The following CEP192 variants were observed in gnomAD, a reference collection of about 807,000 sequenced individuals.
The protein encoded by CEP192 is centrosomal protein 192.
Under a neutral mutation model 271.8 loss-of-function variants are expected in CEP192, and 151 were observed. The ratio of observed to expected loss-of-function variants is 0.56; its 90% CI spans 0.49 to 0.64. The LOEUF is 0.64. Among genes scored for constraint, CEP192 ranks in the 30% least tolerant of loss-of-function variants. The pLI is 0.00. For missense variants in CEP192, 2,910 were observed against 3,020.5 expected, an observed-to-expected ratio of 0.96 and a Z score of 0.86; for synonymous variants, 995 against 1,076.5, an observed-to-expected ratio of 0.92 and a Z score of 1.48.
chr18:13,087,964 T>C (rs949754832), intron 32 of CEP192, among the ~76,000 whole-genome samples: 1 of 152,220 alleles, frequency 6.6e-6, no homozygotes, highest in Non-Finnish European at 1.5e-5. Context: ...GATGACATGT[T>C]AAGTGACAGT....
At chr18:13,116,611 G>T in intron 43 of CEP192, 108 bp downstream of exon 43, 2 of 1,169,916 alleles carry the variant, frequency 1.7e-6, no homozygotes, top group South Asian at 3.4e-5. Flanking sequence ...GTAAGAATGA[G>T]GTAATTTTTC....
chr18:13,060,326 T>C (rs927719125), intron 21 of CEP192, among the ~76,000 whole-genome samples: 1 of 152,038 alleles, frequency 6.6e-6, no homozygotes, highest in Non-Finnish European at 1.5e-5. Flanking sequence ...ACAGAAAAAA[T>C]ACATTATAAA....
At chr18:13,072,926 T>C (rs767948212) in intron 29 of CEP192, 81 bp downstream of exon 29, 5 of 1,543,240 alleles carry the variant, frequency 3.2e-6, no homozygotes. Context: ...TTGTGTTATT[T>C]AGCTTTTAAG....
At chr18:13,098,776 G>T (rs1023211832) in intron 36 of CEP192, among the ~76,000 whole-genome samples, 10 of 151,682 alleles carry the variant, frequency 6.6e-5, no homozygotes, top group African/African-American at 2.4e-4. Flanking sequence ...CCCAGACGGG[G>T]TGGCGGCCGG....
At chr18:13,091,317 A>G (rs1366009137) in intron 33 of CEP192, among the ~76,000 whole-genome samples, 1 of 152,192 alleles carries the variant, frequency 6.6e-6, no homozygotes, top group African/African-American at 2.4e-5. Flanking sequence ...TTGCCCATCT[A>G]AGGTGGGGTT....
intron 43 of CEP192, among the ~76,000 whole-genome samples, chr18:13,117,059 C>CAA (rs35259763): frequency 4.6e-4 from 64 of 139,976 alleles, no homozygotes; most frequent in Admixed American, 7.7e-4. Flanking sequence ...CCATCTCTAC[C>CAA]AAAAAAAAAA....
Position 13,124,807 on chromosome 18 carries a change from T to A in CEP192, c.*37T>A, listed in dbSNP as rs1352766777. On this transcript the variant is annotated 3_prime_UTR_variant, in exon 45 of 45. Transcript: ENST00000506447. ...TTTTGTGTAAAGTAAATTACATAAG[T>A]TGTATTTTGTTAACTTTATCTTTCT... is the stretch of plus-strand genomic sequence containing the variant. 1 of 1,486,908 alleles carries A rather than the reference T, an allele frequency of 6.7e-7. No individual in the cohort carries two copies. Among genetic ancestry groups the A allele is most frequent in the East Asian group, 2.3e-5 (1 of 43,222 alleles). The allele number at this position is 1,486,908 out of a possible 1,614,324, so 92.1% of individuals were successfully genotyped here.
intron 3 of CEP192, among the ~76,000 whole-genome samples, chr18:13,002,520 T>C (rs1438778383): frequency 6.6e-6 from 1 of 152,196 alleles, no homozygotes; most frequent in African/African-American, 2.4e-5. Flanking sequence ...TATTAAGATT[T>C]CTAGGGTTTA....
intron 38 of CEP192, among the ~76,000 whole-genome samples, chr18:13,102,878 G>T (rs117570078): frequency 6.6e-6 from 1 of 152,158 alleles, no homozygotes; most frequent in Non-Finnish European, 1.5e-5. Context: ...ACACCCTGGC[G>T]CCTGCTTGGC....
chr18:13,021,438 TTA>T (rs1840499871), intron 9 of CEP192, among the ~76,000 whole-genome samples: 1 of 152,314 alleles, frequency 6.6e-6, no homozygotes, highest in Admixed American at 6.5e-5. Context: ...ATGTGAGGGT[TTA>T]TTTCTGGCTT....
chr18:13,044,652 C>T (rs1321049346), intron 15 of CEP192, among the ~76,000 whole-genome samples: 1 of 152,078 alleles, frequency 6.6e-6, no homozygotes, highest in East Asian at 1.9e-4. Context: ...TGAAATAAAC[C>T]TCACTAGGGT....
intron 28 of CEP192, 118 bp downstream of exon 28, chr18:13,071,330 G>T: frequency 1.2e-6 from 1 of 843,684 alleles, no homozygotes; most frequent in Non-Finnish European, 1.8e-6. Flanking sequence ...CAATTGTGCA[G>T]AACTGGAAAA....
chr18:13,065,853 C>T (rs1454265271), intron 21 of CEP192, among the ~76,000 whole-genome samples: 1 of 152,204 alleles, frequency 6.6e-6, no homozygotes, highest in African/African-American at 2.4e-5. Context: ...TTCTCTAGAA[C>T]TAATCTCATC....
chr18:13,065,351 C>T (rs898088759), intron 21 of CEP192, among the ~76,000 whole-genome samples: 2 of 152,084 alleles, frequency 1.3e-5, no homozygotes, highest in Admixed American at 6.6e-5. Context: ...GGTCATTAAT[C>T]GCTTCCATTA....
chr18:13,120,606 A>G (rs1240022353), intron 44 of CEP192, among the ~76,000 whole-genome samples: 1 of 152,256 alleles, frequency 6.6e-6, no homozygotes, highest in Non-Finnish European at 1.5e-5. Context: ...TACTCTGAAC[A>G]TATTTAAATC....
chr18:13,076,759 A>G (rs1197722306), intron 30 of CEP192, among the ~76,000 whole-genome samples: 5 of 152,052 alleles, frequency 3.3e-5, no homozygotes, highest in Non-Finnish European at 5.9e-5. Flanking sequence ...GGAGCTTCCA[A>G]TCTGAAACCC....
intron 10 of CEP192, 145 bp from the exon 11 acceptor site, chr18:13,030,320 G>T: frequency 1.4e-6 from 1 of 692,580 alleles, no homozygotes; most frequent in Non-Finnish European, 2.3e-6. Flanking sequence ...TGGGGAAATG[G>T]GTTTTCCTTT....
At chr18:13,112,779 T>G (rs571307395) in intron 40 of CEP192, among the ~76,000 whole-genome samples, 44 of 152,352 alleles carry the variant, frequency 2.9e-4, no homozygotes, top group Non-Finnish European at 5.0e-4. Flanking sequence ...TTATTATGTT[T>G]AAGGTTCTGC....
chr18:12,994,988 C>T (rs1016011448), intron 1 of CEP192, among the ~76,000 whole-genome samples: 1 of 150,976 alleles, frequency 6.6e-6, no homozygotes, highest in East Asian at 1.9e-4. Context: ...AAGGTGGTGG[C>T]AGGACATGCA....
Sources: allele counts gnomAD v4.1 joint callset (sites outside exome capture counted in the v4.1 genomes callset), GRCh38; gene constraint gnomAD v4.1.1; transcripts MANE v1.5; gene names NCBI Gene and HGNC (gene_info 2026-07-23, HGNC 2026-07-21).